The following NIPBL variants were observed in gnomAD, a reference collection of about 807,000 sequenced individuals.
The protein encoded by NIPBL is nipped-B-like protein.
A neutral mutation model predicts 321.8 loss-of-function variants in NIPBL; 19 were observed. The observed-to-expected ratio is 0.06, with a 90% CI of 0.04 to 0.09. NIPBL has a LOEUF of 0.09. Ranked by LOEUF, NIPBL falls within the 10% of genes least tolerant of loss-of-function variation. The pLI is 1.00. For synonymous variants in NIPBL, 1,106 were observed against 1,114.1 expected (o/e 0.99, Z 0.14); for missense variants, 2,210 against 3,327.0 (o/e 0.66, Z 8.26).
At chr5:37,000,204 T>C (rs2149668696) in intron 11 of NIPBL, among the ~76,000 whole-genome samples, 169 bp from the exon 12 acceptor site, 1 of 152,286 alleles carries the variant, frequency 6.6e-6, no homozygotes, top group South Asian at 2.1e-4. Context: ...CTAAAATTAG[T>C]GATACTTTTT....
intron 1 of NIPBL, among the ~76,000 whole-genome samples, chr5:36,896,190 C>G (rs1428246270): frequency 6.6e-6 from 1 of 152,160 alleles, no homozygotes; most frequent in Non-Finnish European, 1.5e-5. Flanking sequence ...AAAGACTATT[C>G]TTTCCCATTG....
In NIPBL at chr5:37,020,504, C is replaced by T. The variant is rs762816601; in HGVS notation, c.5056C>T (p.Leu1686=). The change falls in exon 26 of 47, where the codon CTG becomes TTG. Residue 1686 remains leucine (L), a synonymous_variant. Coordinates refer to ENST00000282516, the MANE Select transcript of NIPBL (RefSeq NM_133433.4). ...YIAQWFRDTT[L]ETEKAMKSQK... is the part of the protein sequence containing the mutation. ...AGCCCAGTGGTTTCGAGACACAACT[C>T]TGGAAACAGAAAAAGCAATGAAATC... 10 of 1,613,858 alleles carry T rather than the reference C, an allele frequency of 6.2e-6. No homozygotes were observed. The highest frequency in any genetic ancestry group is 1.1e-5 in the South Asian group (1 of 91,058).
intron 11 of NIPBL, among the ~76,000 whole-genome samples, chr5:36,997,875 T>A (rs1454480575): frequency 6.6e-6 from 1 of 152,108 alleles, no homozygotes; most frequent in Non-Finnish European, 1.5e-5. Flanking sequence ...ATTATGCTGC[T>A]GAGAGAGAGA....
intron 1 of NIPBL, among the ~76,000 whole-genome samples, chr5:36,926,647 C>A (rs1749385726): frequency 3.9e-5 from 6 of 152,150 alleles, no homozygotes; most frequent in Admixed American, 2.6e-4. Flanking sequence ...TCACAAAGGT[C>A]AGCCCAGATT....
chr5:37,059,520 A>G (rs989335093), intron 44 of NIPBL, among the ~76,000 whole-genome samples: 2 of 152,160 alleles, frequency 1.3e-5, no homozygotes, highest in African/African-American at 4.8e-5. Flanking sequence ...AAATAATAAT[A>G]AATATGAAAC....
rs1328740588 is a variant in NIPBL, at chr5:37,027,427, G to A, written c.5862+15G>A. ...TGCTTCAAAACGTGAGTGTTCTTTT[G>A]ACTCCTGATAACCTAAAATTTAATA... On this transcript the variant is annotated intron_variant, in intron 32 of 46. Transcript: ENST00000282516. 6.2e-7 allele frequency: 1 copy of A among 1,603,516 alleles called. No homozygotes were observed. Among genetic ancestry groups the A allele is most frequent in the East Asian group, 2.2e-5 (1 of 44,772 alleles).
chr5:37,039,723 TG>T (rs1302694940), intron 34 of NIPBL, among the ~76,000 whole-genome samples: 1 of 152,160 alleles, frequency 6.6e-6, no homozygotes, highest in Admixed American at 6.5e-5. Flanking sequence ...TTTGCTGCTG[TG>T]GTCAGTTTTT....
chr5:37,043,946 A>C (rs1485874806), intron 34 of NIPBL, among the ~76,000 whole-genome samples: 1 of 152,196 alleles, frequency 6.6e-6, no homozygotes, highest in Admixed American at 6.5e-5. Context: ...CTCCTGTGTC[A>C]GGATACGGGG....
intron 1 of NIPBL, among the ~76,000 whole-genome samples, chr5:36,910,442 G>A (rs920577051): frequency 6.6e-6 from 1 of 152,096 alleles, no homozygotes; most frequent in African/African-American, 2.4e-5. Context: ...TGTTTTAACT[G>A]TTTCTCTGTC....
chr5:36,984,541 G>A (rs1744519513), intron 9 of NIPBL, 135 bp from the exon 10 acceptor site: 2 of 684,608 alleles, frequency 2.9e-6, no homozygotes, highest in Admixed American at 6.1e-5. Context: ...ACTATTTTAT[G>A]TGTACATATT....
At chr5:36,963,538 G>T (rs1741861463) in intron 6 of NIPBL, among the ~76,000 whole-genome samples, 1 of 151,820 alleles carries the variant, frequency 6.6e-6, no homozygotes, top group South Asian at 2.1e-4. Context: ...GTGGTGGTAT[G>T]CACTTGTAAT....
At chr5:36,971,539 A>G (rs1430477380) in intron 7 of NIPBL, among the ~76,000 whole-genome samples, 6 of 152,126 alleles carry the variant, frequency 3.9e-5, no homozygotes, top group African/African-American at 1.4e-4. Flanking sequence ...TGTTATTAAA[A>G]TATTCCACAT....
chr5:37,061,085 C>CG, intron 45 of NIPBL, 67 bp downstream of exon 45: 1 of 1,168,150 alleles, frequency 8.6e-7, no homozygotes, highest in South Asian at 1.2e-5. Context: ...TGTGGGGGGC[C>CG]GGTGGGGAGA....
At chr5:37,013,278 C>T (rs1174048350) in intron 21 of NIPBL, among the ~76,000 whole-genome samples, 6 of 147,948 alleles carry the variant, frequency 4.1e-5, no homozygotes, top group African/African-American at 5.0e-5. Context: ...GCGGATGGGG[C>T]GGCTGGCCAG....
At chr5:36,922,014 G>A (rs1748986559) in intron 1 of NIPBL, among the ~76,000 whole-genome samples, 1 of 151,748 alleles carries the variant, frequency 6.6e-6, no homozygotes, top group South Asian at 2.1e-4. Flanking sequence ...AGCCTCCCGA[G>A]TAGCTGGGAT....
chr5:37,027,644 T>C lies in NIPBL; in HGVS notation c.5862+232T>C, dbSNP rs568103926. ...TTTTTTTTTTGAGGTGGAGTCTCGC[T>C]CTCTCACTCTGTCGCCCAGGCTGGA... On this transcript the variant is annotated intron_variant, in intron 32 of 46. Coordinates refer to ENST00000282516, the MANE Select transcript of NIPBL (RefSeq NM_133433.4). Among the ~76,000 whole-genome samples the C allele has an allele frequency of 8.6e-5, 11 of 128,376 alleles. No individual in the cohort carries two copies. The East Asian group carries it at 1.7e-3, about 20-fold the overall frequency. 84.2% of individuals were successfully genotyped at this position (128,376 alleles called of 152,430 possible).
At chr5:37,040,430 G>A (rs1183190974) in intron 34 of NIPBL, among the ~76,000 whole-genome samples, 3 of 152,048 alleles carry the variant, frequency 2.0e-5, no homozygotes, top group Middle Eastern at 3.4e-3. Flanking sequence ...GGACACAGAG[G>A]TATATATAAA....
At chr5:37,022,417 C>A in intron 29 of NIPBL, 27 bp downstream of exon 29, 1 of 1,575,550 alleles carries the variant, frequency 6.3e-7, no homozygotes, top group Non-Finnish European at 8.6e-7. Flanking sequence ...TATAATGATT[C>A]GTGAATATAA....
At chr5:36,880,932 T>TA (rs1230997261) in intron 1 of NIPBL, among the ~76,000 whole-genome samples, 1 of 151,496 alleles carries the variant, frequency 6.6e-6, no homozygotes, top group Non-Finnish European at 1.5e-5. Flanking sequence ...AGCCGGAGGA[T>TA]AAGGGATTCC....
Sources: gnomAD v4.1 joint callset for allele counts (sites outside exome capture counted in the v4.1 genomes callset) on GRCh38, gnomAD v4.1.1 for gene constraint, MANE v1.5 for transcripts, NCBI Gene and HGNC (gene_info 2026-07-23, HGNC 2026-07-21) for gene names.